Variants in DGKB observed in about 807,000 individuals in gnomAD.
The protein encoded by DGKB is diacylglycerol kinase beta.
In DGKB, 67 loss-of-function variants were observed where a neutral mutation model predicts 114.3. The ratio of observed to expected loss-of-function variants is 0.59; its 90% confidence interval spans 0.48 to 0.72. DGKB has a LOEUF of 0.72. Among genes scored for constraint, DGKB ranks in the 30% least tolerant of loss-of-function variants. DGKB has a pLI of 0.00. For missense variants in DGKB, 907 were observed against 975.2 expected (o/e 0.93, Z 0.93); for synonymous variants, 398 against 323.1 (o/e 1.23, Z -2.49).
In DGKB at chr7:14,395,756, G is replaced by T. The variant is rs146331046; in HGVS notation, c.1836-50365C>A. Among the ~76,000 whole-genome samples, 211 of 151,770 alleles carry T rather than the reference G, an allele frequency of 1.4e-3. 1 individual carries two copies. Among genetic ancestry groups the T allele is most frequent in the African/African-American group, 4.9e-3 (205 of 41,460 alleles). On this transcript the variant is annotated intron_variant, in intron 21 of 25. Coordinates refer to ENST00000402815, the MANE Select transcript of DGKB (RefSeq NM_001350709.2). ...ATTATTCACATTATTTTATCTGAAA[G>T]AAATTAAGATATACATTATTTCACA...
intron 25 of DGKB, among the ~76,000 whole-genome samples, chr7:14,171,939 C>G (rs1781061085): frequency 6.6e-6 from 1 of 152,084 alleles, no homozygotes; most frequent in East Asian, 1.9e-4. Context: ...CTAAAAGGAG[C>G]TGGACATATA....
At chr7:14,604,774 G>A (rs1404313555) in intron 17 of DGKB, among the ~76,000 whole-genome samples, 1 of 152,088 alleles carries the variant, frequency 6.6e-6, no homozygotes, top group Admixed American at 6.6e-5. Context: ...ATCAGTCATT[G>A]AGTTCAGAGA....
At chr7:14,592,590 C>T (rs1267134397) in intron 17 of DGKB, among the ~76,000 whole-genome samples, 1 of 151,844 alleles carries the variant, frequency 6.6e-6, no homozygotes, top group African/African-American at 2.4e-5. Context: ...TTTTTAATAA[C>T]TTTCAGCTTA....
rs973684052 is a variant in DGKB at position 14,930,779 on chromosome 7, G to C, written c.-188+43917C>G. Among the ~76,000 whole-genome samples the C allele has an allele frequency of 6.6e-5, 10 of 152,100 alleles. 1 individual carries two copies. The highest frequency in any genetic ancestry group is 3.9e-4 in the Admixed American group (6 of 15,256). ...TGGTGAGAATGGGCATCCTTGACTT[G>C]TTCCAGTTCTTAGAGGGAATGATTT... On this transcript the variant is annotated intron_variant, in intron 1 of 4. Transcript: ENST00000437998.
At chr7:14,645,462 G>A (rs1291524387) in intron 13 of DGKB, among the ~76,000 whole-genome samples, 1 of 151,684 alleles carries the variant, frequency 6.6e-6, no homozygotes, top group Non-Finnish European at 1.5e-5. Context: ...TCTCCTGCTT[G>A]CTGAACAATG....
chr7:14,925,318 T>A (rs757889538), intron 1 of DGKB, among the ~76,000 whole-genome samples: 82 of 152,330 alleles, frequency 5.4e-4, no homozygotes, highest in Non-Finnish European at 9.7e-4. Flanking sequence ...CACATGGCAA[T>A]TGTCATCAGT....
chr7:14,160,078 G>T (rs750887716), intron 25 of DGKB, among the ~76,000 whole-genome samples: 1 of 151,974 alleles, frequency 6.6e-6, no homozygotes, highest in Non-Finnish European at 1.5e-5. Context: ...TCACAGATTT[G>T]TCATGAGAAT....
At chr7:14,694,603 G>T (rs1186745341) in intron 8 of DGKB, among the ~76,000 whole-genome samples, 2 of 152,154 alleles carry the variant, frequency 1.3e-5, no homozygotes, top group Non-Finnish European at 2.9e-5. Flanking sequence ...AGGGGCGAAG[G>T]AATTTAGTTG....
chr7:14,709,710 G>A (rs1420562537), intron 6 of DGKB, among the ~76,000 whole-genome samples: 14 of 143,016 alleles, frequency 9.8e-5, no homozygotes, highest in African/African-American at 2.6e-4. Context: ...GTAAACTATC[G>A]CAAGAACAAA....
chr7:14,603,449 G>A (rs1585058812), intron 17 of DGKB, among the ~76,000 whole-genome samples: 1 of 151,918 alleles, frequency 6.6e-6, no homozygotes, highest in African/African-American at 2.4e-5. Flanking sequence ...AAGGTCATAA[G>A]CTCTGATTTT....
chr7:14,948,421 T>A (rs937327479), intron 1 of DGKB, among the ~76,000 whole-genome samples: 3 of 151,722 alleles, frequency 2.0e-5, no homozygotes, highest in Admixed American at 6.6e-5. Flanking sequence ...TTAAGGAAAT[T>A]TCTGAAGCTT....
chr7:14,874,930 T>C (rs1047163167), intron 1 of DGKB, among the ~76,000 whole-genome samples: 1 of 152,118 alleles, frequency 6.6e-6, no homozygotes, highest in Non-Finnish European at 1.5e-5. Context: ...AAACTCTTTT[T>C]TATTTTGCTA....
chr7:14,574,012 A>C (rs1446222202), intron 20 of DGKB, among the ~76,000 whole-genome samples, 200 bp downstream of exon 20: 2 of 152,148 alleles, frequency 1.3e-5, no homozygotes, highest in East Asian at 3.8e-4. Flanking sequence ...TCAATTGCTG[A>C]TACTCTGACT....
chr7:14,260,872 A>C (rs1052651533), intron 23 of DGKB, among the ~76,000 whole-genome samples: 5 of 152,194 alleles, frequency 3.3e-5, no homozygotes, highest in Admixed American at 3.3e-4. Flanking sequence ...ATTGCTCATG[A>C]AGATTTTGTC....
At chr7:14,607,613 ATAATT>A (rs2128781084) in intron 16 of DGKB, 105 bp from the exon 17 acceptor site, 1 of 368,030 alleles carries the variant, frequency 2.7e-6, no homozygotes, top group Non-Finnish European at 5.0e-6. Context: ...AATTAATTAT[ATAATT>A]TAATAAAAAA....
intron 1 of DGKB, among the ~76,000 whole-genome samples, chr7:14,865,839 T>G (rs1443232282): frequency 2.0e-5 from 3 of 152,024 alleles, no homozygotes; most frequent in Non-Finnish European, 4.4e-5. Context: ...AGAGGTAAGG[T>G]TGAGGGATAG....
intron 3 of DGKB, among the ~76,000 whole-genome samples, chr7:14,755,351 T>C (rs1444188464): frequency 1.3e-5 from 2 of 152,186 alleles, no homozygotes; most frequent in Non-Finnish European, 2.9e-5. Flanking sequence ...AGCAAAATAG[T>C]ACATCTACGA....
chr7:14,656,952 A>G (rs1021195153), intron 13 of DGKB, among the ~76,000 whole-genome samples: 1 of 151,778 alleles, frequency 6.6e-6, no homozygotes, highest in Admixed American at 6.6e-5. Flanking sequence ...AACTAGTTCA[A>G]TGTAAAGACA....
chr7:14,328,098 G>A (rs1439762089), intron 23 of DGKB, among the ~76,000 whole-genome samples: 1 of 151,992 alleles, frequency 6.6e-6, no homozygotes, highest in South Asian at 2.1e-4. Flanking sequence ...TATGATACTA[G>A]TTGACTTTCC....
Sources: gnomAD v4.1 joint callset for allele counts (sites outside exome capture counted in the v4.1 genomes callset) on GRCh38, gnomAD v4.1.1 for gene constraint, MANE v1.5 for transcripts, NCBI Gene and HGNC (gene_info 2026-07-23, HGNC 2026-07-21) for gene names.